Variants in ACTR3C observed in about 807,000 individuals in gnomAD.
ACTR3C encodes the protein actin-related protein 3C.
In ACTR3C, 18 loss-of-function variants were observed where a neutral mutation model predicts 26.3. That is an observed-to-expected ratio of 0.68 (90% CI 0.47 to 1.01). The LOEUF is 1.01. Ranked by LOEUF, ACTR3C falls within the 50% of genes least tolerant of loss-of-function variation. The pLI is 0.00. For missense variants in ACTR3C, 184 were observed against 250.7 expected, an observed-to-expected ratio of 0.73 and a Z score of 1.80; for synonymous variants, 55 against 94.5, an observed-to-expected ratio of 0.58 and a Z score of 2.42.
At chr7:150,128,192 A>C in the ACTR3C span, among the ~76,000 whole-genome samples, 1 of 151,850 alleles carries the variant, frequency 6.6e-6, no homozygotes, top group Admixed American at 6.6e-5. Context: ...GCACTTCCCA[A>C]CTGCCACTGT....
chr7:149,904,881 CTGGACGTGGTGG>C, the ACTR3C span, among the ~76,000 whole-genome samples: 3 of 151,574 alleles, frequency 2.0e-5, no homozygotes, highest in Non-Finnish European at 2.9e-5. Context: ...CAAAAATTAG[CTGGACGTGGTGG>C]TGGGCGCCTG....
At position 150,269,501 on chromosome 7, in the gene ACTR3C, G is replaced by A. The variant is rs995120697; in HGVS notation, c.564+15252C>T. On this transcript the variant is annotated intron_variant, in intron 6 of 7. Coordinates refer to ENST00000683684, the MANE Select transcript of ACTR3C (RefSeq NM_001164458.2). ...TGAGGGGAAATTAGAGGGTAATGGC[G>A]TCAGCACCGGCCCAGGGAAGGCAGG... Among the ~76,000 whole-genome samples the A allele has an allele frequency of 8.7e-5, 13 of 149,566 alleles. 1 individual carries two copies. The highest frequency in any genetic ancestry group is 4.6e-4 in the Admixed American group (7 of 15,194).
chr7:150,050,067 C>T, the ACTR3C span, among the ~76,000 whole-genome samples: 1 of 152,058 alleles, frequency 6.6e-6, no homozygotes, highest in East Asian at 1.9e-4. Flanking sequence ...ACCTTGCTCT[C>T]AACCCCCTCC....
the ACTR3C span, among the ~76,000 whole-genome samples, chr7:150,042,996 C>T: frequency 2.0e-5 from 3 of 151,460 alleles, no homozygotes; most frequent in Non-Finnish European, 4.4e-5. Context: ...CCCTTTGTGA[C>T]CTCATACAAA....
the ACTR3C span, among the ~76,000 whole-genome samples, chr7:150,108,963 C>T: frequency 1.3e-5 from 2 of 151,846 alleles, no homozygotes; most frequent in Non-Finnish European, 2.9e-5. Flanking sequence ...TCAGCACATC[C>T]CCCACAGACC....
At chr7:150,162,321 G>A in the ACTR3C span, among the ~76,000 whole-genome samples, 4 of 123,822 alleles carry the variant, frequency 3.2e-5, no homozygotes, top group African/African-American at 1.4e-4. Context: ...TTAATAGGTT[G>A]GTGCAAAAGT....
At chr7:150,013,922 T>A in the ACTR3C span, among the ~76,000 whole-genome samples, 3 of 152,176 alleles carry the variant, frequency 2.0e-5, no homozygotes, top group Non-Finnish European at 4.4e-5. Context: ...CTCTTTCATT[T>A]CCTGGTACCT....
intron 4 of ACTR3C, among the ~76,000 whole-genome samples, chr7:150,289,208 G>A (rs531842264): frequency 7.1e-4 from 108 of 152,082 alleles, no homozygotes; most frequent in African/African-American, 2.3e-3. Flanking sequence ...GCCTCTGCAC[G>A]CTGGTACGCT....
At chr7:150,302,533 G>A (rs1376235000) in intron 1 of ACTR3C, among the ~76,000 whole-genome samples, 1 of 151,656 alleles carries the variant, frequency 6.6e-6, no homozygotes. Context: ...GTTAAAATAA[G>A]GGTTATGAAA....
At chr7:150,077,996 A>G in the ACTR3C span, among the ~76,000 whole-genome samples, 2 of 152,198 alleles carry the variant, frequency 1.3e-5, no homozygotes, top group Non-Finnish European at 2.9e-5. Flanking sequence ...ACACATACAC[A>G]CAAGACAACA....
chr7:150,245,223 T>C (rs1356821352), downstream of ACTR3C: 1 of 152,300 alleles, frequency 6.6e-6, no homozygotes, highest in African/African-American at 2.4e-5. Context: ...GCATAGAAGA[T>C]AATTTGCCCA....
the ACTR3C span, among the ~76,000 whole-genome samples, chr7:150,038,899 C>G: frequency 1.5e-4 from 13 of 86,440 alleles, 3 homozygotes; most frequent in African/African-American, 4.8e-4. Flanking sequence ...CTCCCCCCTG[C>G]GATGGGGGTA....
the ACTR3C span, among the ~76,000 whole-genome samples, chr7:149,996,598 T>TAAATAAAC: frequency 6.6e-6 from 1 of 152,030 alleles, no homozygotes; most frequent in African/African-American, 2.4e-5. Flanking sequence ...AATAAATAAA[T>TAAATAAAC]AAAAAATAAA....
the ACTR3C span, among the ~76,000 whole-genome samples, chr7:150,073,072 C>T: frequency 6.6e-6 from 1 of 152,102 alleles, no homozygotes; most frequent in Non-Finnish European, 1.5e-5. Flanking sequence ...GAAATTTTTC[C>T]CCTGAAGCGA....
At chr7:149,912,571 C>T in the ACTR3C span, among the ~76,000 whole-genome samples, 8 of 150,582 alleles carry the variant, frequency 5.3e-5, no homozygotes, top group East Asian at 1.9e-4. Flanking sequence ...GGCGCGATCT[C>T]GGCTCACTGC....
At chr7:150,236,949 C>T in the ACTR3C span, among the ~76,000 whole-genome samples, 1 of 151,326 alleles carries the variant, frequency 6.6e-6, no homozygotes, top group African/African-American at 2.5e-5. Context: ...GAGAAAAGGG[C>T]TATTAAAGCC....
the ACTR3C span, among the ~76,000 whole-genome samples, chr7:150,017,858 A>C: frequency 6.7e-6 from 1 of 150,194 alleles, no homozygotes; most frequent in Non-Finnish European, 1.5e-5. Context: ...TTTCAGGGTG[A>C]ATCTCTTCCC....
At chr7:149,972,829 T>A in the ACTR3C span, among the ~76,000 whole-genome samples, 814 of 152,130 alleles carry the variant, frequency 5.4e-3, 8 homozygotes, top group African/African-American at 0.018. Flanking sequence ...AGACAGCACA[T>A]CTGTCCCCAG....
At chr7:150,035,713 G>A in the ACTR3C span, among the ~76,000 whole-genome samples, 4 of 138,942 alleles carry the variant, frequency 2.9e-5, no homozygotes, top group Non-Finnish European at 4.9e-5. Flanking sequence ...CCTAAGCCAG[G>A]GGGTGAAGAT....
Sources: gnomAD v4.1 joint callset for allele counts (sites outside exome capture counted in the v4.1 genomes callset) on GRCh38, gnomAD v4.1.1 for gene constraint, MANE v1.5 for transcripts, NCBI Gene and HGNC (gene_info 2026-07-23, HGNC 2026-07-21) for gene names.